The following ADAM9 variants were observed in gnomAD, a reference collection of about 807,000 sequenced individuals.
ADAM9 encodes the protein disintegrin and metalloproteinase domain-containing protein 9.
Under a neutral mutation model 108.1 loss-of-function variants are expected in ADAM9, and 54 were observed. The observed-to-expected ratio is 0.50, with a 90% CI of 0.40 to 0.63. ADAM9 has a LOEUF of 0.63. ADAM9 is among the 20% of genes least tolerant of loss of function. The pLI is 0.00. For synonymous variants in ADAM9, 316 were observed against 336.0 expected (o/e 0.94, Z 0.65); for missense variants, 830 against 997.7 (o/e 0.83, Z 2.26).
chr8:39,013,856 A>C (rs1048058769), intron 3 of ADAM9, 109 bp from the exon 4 acceptor site: 3 of 869,070 alleles, frequency 3.5e-6, no homozygotes, highest in Admixed American at 2.0e-5. Flanking sequence ...ATCTGGTGAA[A>C]GTTCTTATTT....
chr8:39,065,949 T>A (rs955943347), intron 14 of ADAM9, among the ~76,000 whole-genome samples: 1 of 152,146 alleles, frequency 6.6e-6, no homozygotes, highest in Non-Finnish European at 1.5e-5. Context: ...CCCTTTCCTG[T>A]GTCCAAGTGT....
At chr8:39,077,637 G>A (rs1275364018) in intron 16 of ADAM9, among the ~76,000 whole-genome samples, 1 of 152,096 alleles carries the variant, frequency 6.6e-6, no homozygotes, top group Non-Finnish European at 1.5e-5. Flanking sequence ...AATATACTGT[G>A]CATGGTTCCC....
chr8:39,052,074 T>C (rs1837976172), intron 12 of ADAM9, among the ~76,000 whole-genome samples: 1 of 152,140 alleles, frequency 6.6e-6, no homozygotes, highest in Non-Finnish European at 1.5e-5. Flanking sequence ...CAGAAGCTAA[T>C]GAATTTCCTA....
chr8:39,026,615 T>G (rs2129434432), intron 10 of ADAM9, 62 bp from the exon 11 acceptor site: 3 of 1,610,432 alleles, frequency 1.9e-6, no homozygotes, highest in South Asian at 2.2e-5. Context: ...AAAAATAATC[T>G]GAGCAGCAAA....
intron 9 of ADAM9, among the ~76,000 whole-genome samples, chr8:39,024,283 A>G (rs1274512461): frequency 1.3e-5 from 2 of 152,162 alleles, no homozygotes; most frequent in East Asian, 3.8e-4. Flanking sequence ...ACGCTCACAC[A>G]TCCTCGTACC....
chr8:39,055,813 T>G (rs377501978), intron 14 of ADAM9, 41 bp downstream of exon 14: 20 of 1,562,426 alleles, frequency 1.3e-5, no homozygotes, highest in Non-Finnish European at 1.6e-5. Context: ...TCGATATTAT[T>G]TATTTTTGAT....
At chr8:39,030,033 G>A (rs1837050293) in intron 11 of ADAM9, among the ~76,000 whole-genome samples, 1 of 152,050 alleles carries the variant, frequency 6.6e-6, no homozygotes, top group African/African-American at 2.4e-5. Context: ...CACTTGCATA[G>A]TCTCTCCATT....
At chr8:39,017,195 G>T (rs1433784464) in intron 5 of ADAM9, 24 bp from the exon 6 acceptor site, 9 of 1,613,386 alleles carry the variant, frequency 5.6e-6, no homozygotes, top group Non-Finnish European at 7.6e-6. Flanking sequence ...CTTAAAATTT[G>T]TATACGTGTA....
At chr8:39,056,665 TTC>T (rs1469011812) in intron 14 of ADAM9, among the ~76,000 whole-genome samples, 1 of 152,208 alleles carries the variant, frequency 6.6e-6, no homozygotes, top group Non-Finnish European at 1.5e-5. Flanking sequence ...AATTCTGTCT[TTC>T]TGTTTCTCTC....
chr8:39,000,193 G>A (rs1564210365), intron 1 of ADAM9, among the ~76,000 whole-genome samples: 1 of 151,794 alleles, frequency 6.6e-6, no homozygotes, highest in Non-Finnish European at 1.5e-5. Context: ...GGAGTTTCAC[G>A]GTATTAGCCA....
intron 15 of ADAM9, chr8:39,076,216 T>C (rs751525662): frequency 6.6e-6 from 1 of 152,154 alleles, no homozygotes; most frequent in African/African-American, 2.4e-5. Flanking sequence ...AACTGGAACA[T>C]ATTTAGGAGG....
At chr8:39,040,038 C>T (rs1272368432) in intron 11 of ADAM9, among the ~76,000 whole-genome samples, 10 of 152,058 alleles carry the variant, frequency 6.6e-5, no homozygotes, top group South Asian at 2.1e-4. Context: ...TAGCACTTGT[C>T]ATCTCTTTTA....
At chr8:39,073,441 A>G (rs1338880377) in intron 15 of ADAM9, among the ~76,000 whole-genome samples, 1 of 152,168 alleles carries the variant, frequency 6.6e-6, no homozygotes. Flanking sequence ...TTTCTGGAAT[A>G]TTCTTTTGAA....
chr8:39,011,582 C>A, intron 2 of ADAM9, 76 bp from the exon 3 acceptor site: 1 of 1,329,156 alleles, frequency 7.5e-7, no homozygotes, highest in Non-Finnish European at 1.1e-6. Flanking sequence ...GAATTTCCTG[C>A]ATCTTATAAA....
chr8:39,046,280 A>G (rs1319274761), intron 12 of ADAM9, among the ~76,000 whole-genome samples: 2 of 152,114 alleles, frequency 1.3e-5, no homozygotes, highest in Non-Finnish European at 2.9e-5. Context: ...CATTGTTAGT[A>G]TGTGAAAATG....
At chr8:38,998,775 G>A (rs1835905912) in intron 1 of ADAM9, among the ~76,000 whole-genome samples, 1 of 152,072 alleles carries the variant, frequency 6.6e-6, no homozygotes, top group Admixed American at 6.6e-5. Flanking sequence ...GGCGGGGGGC[G>A]TATGAAAGAA....
Position 39,025,827 on chromosome 8 carries a change from A to G in ADAM9, c.939A>G (p.Ala313=). ...GAAAGAAAGGTTTTGGTGGAACTGC[A>G]GGAATGGCATTTGTGGGAACAGTGT... is the stretch of plus-strand genomic sequence containing the variant. ...LVLKKGFGGT[A]GMAFVGTVCS... is the part of the protein sequence containing the mutation. The change falls in exon 10 of 22, where the codon GCA becomes GCG. Residue 313 remains alanine, a synonymous_variant. Coordinates refer to ENST00000487273, the MANE Select transcript of ADAM9 (RefSeq NM_003816.3). 1 of 1,614,180 alleles carries G rather than the reference A, an allele frequency of 6.2e-7. No individual in the cohort carries two copies. The highest frequency in any genetic ancestry group is 2.2e-5 in the East Asian group (1 of 44,886).
chr8:39,055,884 C>G, intron 14 of ADAM9, 112 bp downstream of exon 14: 1 of 1,114,182 alleles, frequency 9.0e-7, no homozygotes, highest in South Asian at 1.5e-5. Context: ...TCTTGTTTCT[C>G]ATCGTATTTC....
At chr8:39,011,241 C>G (rs1225770890) in intron 2 of ADAM9, among the ~76,000 whole-genome samples, 1 of 152,150 alleles carries the variant, frequency 6.6e-6, no homozygotes, top group Admixed American at 6.5e-5. Flanking sequence ...TAATTTGTAT[C>G]ATAAAAGGAG....
Sources: gnomAD v4.1 joint callset for allele counts (sites outside exome capture counted in the v4.1 genomes callset) on GRCh38, gnomAD v4.1.1 for gene constraint, MANE v1.5 for transcripts, NCBI Gene and HGNC (gene_info 2026-07-23, HGNC 2026-07-21) for gene names.